The following NKAIN3 variants were observed in gnomAD, a reference collection of about 807,000 sequenced individuals.
NKAIN3 encodes sodium/potassium-transporting ATPase subunit beta-1-interacting protein 3.
A neutral mutation model predicts 30.2 loss-of-function variants in NKAIN3; 25 were observed. The observed-to-expected ratio is 0.83, with a 90% confidence interval of 0.60 to 1.16. NKAIN3 has a LOEUF of 1.16. Among genes scored for constraint, NKAIN3 ranks in the 50% most tolerant of loss-of-function variants. NKAIN3 has a pLI of 0.00. For synonymous variants in NKAIN3, 91 were observed against 89.6 expected, an observed-to-expected ratio of 1.02 and a Z score of -0.09; for missense variants, 225 against 254.1, an observed-to-expected ratio of 0.89 and a Z score of 0.78.
intron 4 of NKAIN3, among the ~76,000 whole-genome samples, chr8:62,802,361 G>A (rs912877228): frequency 3.3e-5 from 5 of 152,192 alleles, no homozygotes; most frequent in Non-Finnish European, 1.5e-5. Flanking sequence ...GTTAAGGGCA[G>A]CCAGAGAGAA....
intron 1 of NKAIN3, among the ~76,000 whole-genome samples, chr8:62,418,907 C>T (rs189682814): frequency 6.6e-6 from 1 of 152,272 alleles, no homozygotes; most frequent in East Asian, 1.9e-4. Context: ...GTTGTAGCTT[C>T]AAGTTTAATT....
rs1220548726 is a variant in NKAIN3, at chr8:62,980,948, A to T, written c.*15541A>T. 6.6e-6 allele frequency: 1 copy of T among 152,252 alleles called. No individual in the cohort carries two copies. The highest frequency in any genetic ancestry group is 1.5e-5 in the Non-Finnish European group (1 of 68,044). 9.4% of individuals were successfully genotyped at this position (152,252 alleles called of 1,614,324 possible). A position where few individuals can be genotyped will look rare whatever the true frequency, so the allele number is the denominator to read the frequency against. On this transcript the variant is annotated 3_prime_UTR_variant, in exon 7 of 7. Transcript: ENST00000623646. The stretch of plus-strand genomic sequence containing the variant: ...AACTCAAATTATCTAAGGTTTACCC[A>T]GAAGTCAAAATCACCTGGCCCTCTG...
intron 1 of NKAIN3, among the ~76,000 whole-genome samples, chr8:62,561,865 GT>G (rs1809590855): frequency 6.6e-6 from 1 of 152,096 alleles, no homozygotes; most frequent in African/African-American, 2.4e-5. Flanking sequence ...GTAAATATGT[GT>G]TTTTGTAATG....
In NKAIN3 at chr8:62,970,080, C is replaced by A. The variant is rs939481963; in HGVS notation, c.*4673C>A. Among the ~76,000 whole-genome samples, 7 of 151,766 alleles carry A rather than the reference C, an allele frequency of 4.6e-5. No homozygotes were observed. Among genetic ancestry groups the A allele is most frequent in the African/African-American group, 1.5e-4 (6 of 41,276 alleles). ...ATACCTAAAAAAAAATTTAAATTAG[C>A]CAAGCATGGTGGCATGTACCTATGA... On this transcript the variant is annotated 3_prime_UTR_variant, in exon 7 of 7. Coordinates refer to ENST00000623646, the MANE Select transcript of NKAIN3 (RefSeq NM_001304533.3).
intron 1 of NKAIN3, among the ~76,000 whole-genome samples, chr8:62,440,269 C>T (rs1805284783): frequency 6.6e-6 from 1 of 152,118 alleles, no homozygotes; most frequent in Non-Finnish European, 1.5e-5. Flanking sequence ...AATTTTATGA[C>T]TTCTCTGCTC....
intron 6 of NKAIN3, among the ~76,000 whole-genome samples, chr8:62,962,618 T>G (rs548852238): frequency 6.6e-6 from 1 of 152,264 alleles, no homozygotes; most frequent in South Asian, 2.1e-4. Context: ...ACCGCCTAGA[T>G]GCCAGTAACA....
At chr8:62,591,970 C>A (rs1810667645) in intron 3 of NKAIN3, among the ~76,000 whole-genome samples, 1 of 151,998 alleles carries the variant, frequency 6.6e-6, no homozygotes, top group Non-Finnish European at 1.5e-5. Flanking sequence ...TCTAGATTCT[C>A]CATCTCCTGC....
chr8:62,332,553 G>A (rs554677477), intron 1 of NKAIN3, among the ~76,000 whole-genome samples: 4 of 152,140 alleles, frequency 2.6e-5, no homozygotes, highest in African/African-American at 9.6e-5. Flanking sequence ...TGAGTGACAT[G>A]GATAATAATG....
chr8:62,788,978 C>T (rs1817615224), intron 4 of NKAIN3, among the ~76,000 whole-genome samples: 1 of 152,086 alleles, frequency 6.6e-6, no homozygotes, highest in African/African-American at 2.4e-5. Flanking sequence ...ATGCCTCCAG[C>T]TTTGTTCTTT....
intron 1 of NKAIN3, among the ~76,000 whole-genome samples, chr8:62,504,966 T>C (rs1053727330): frequency 7.9e-5 from 12 of 152,206 alleles, no homozygotes; most frequent in Admixed American, 5.9e-4. Flanking sequence ...TTCCTTTTTG[T>C]TCCTATAACA....
intron 3 of NKAIN3, among the ~76,000 whole-genome samples, chr8:62,600,222 C>G (rs1268785716): frequency 6.6e-6 from 1 of 151,950 alleles, no homozygotes; most frequent in African/African-American, 2.4e-5. Context: ...TTCAATGTGT[C>G]ACATTTTCAT....
At chr8:62,903,856 T>A (rs1821687535) in intron 4 of NKAIN3, among the ~76,000 whole-genome samples, 1 of 152,090 alleles carries the variant, frequency 6.6e-6, no homozygotes, top group Non-Finnish European at 1.5e-5. Context: ...GGGAAGTCCC[T>A]GATAAAACCA....
At chr8:62,587,252 A>T (rs1810505639) in intron 2 of NKAIN3, among the ~76,000 whole-genome samples, 1 of 151,996 alleles carries the variant, frequency 6.6e-6, no homozygotes, top group Non-Finnish European at 1.5e-5. Flanking sequence ...CAATTCAAAA[A>T]TCAAAAATAT....
In NKAIN3 at chr8:62,705,964, G is replaced by A. The variant is rs1283531487; in HGVS notation, c.274-40968G>A. On this transcript the variant is annotated intron_variant, in intron 3 of 6. Transcript: ENST00000623646. ...CTTTCTATGCATTCCTGTAAGTAAG[G>A]GATTTAAAGCCTGATTGCTCCTGAT... Among the ~76,000 whole-genome samples the A allele has an allele frequency of 2.6e-5, 4 of 152,038 alleles. No homozygotes were observed. The East Asian group carries it at 7.7e-4, about 29-fold the overall frequency.
At chr8:62,989,851 G>A (rs551479466), downstream of NKAIN3, among the ~76,000 whole-genome samples, 6 of 152,228 alleles carry the variant, frequency 3.9e-5, no homozygotes, top group Non-Finnish European at 8.8e-5. Flanking sequence ...ATACACCTAT[G>A]ACATCATGAA....
chr8:62,864,212 C>A, intron 4 of NKAIN3: 1 of 686,864 alleles, frequency 1.5e-6, no homozygotes, highest in Non-Finnish European at 2.5e-6. Context: ...GCGAATACTG[C>A]GCAGAAGTGA....
intron 1 of NKAIN3, among the ~76,000 whole-genome samples, chr8:62,360,831 T>C (rs1313920550): frequency 6.6e-6 from 1 of 152,132 alleles, no homozygotes. Context: ...ATATTTAGGG[T>C]AGTTAGCTCT....
At chr8:62,282,402 A>G (rs1477643326) in intron 1 of NKAIN3, among the ~76,000 whole-genome samples, 1 of 152,110 alleles carries the variant, frequency 6.6e-6, no homozygotes, top group Non-Finnish European at 1.5e-5. Flanking sequence ...TTGTAGGGAT[A>G]CCCAAAAATT....
intron 1 of NKAIN3, among the ~76,000 whole-genome samples, chr8:62,396,949 C>T (rs769261521): frequency 7.4e-4 from 113 of 152,216 alleles, no homozygotes; most frequent in Non-Finnish European, 1.4e-3. Flanking sequence ...CTTGAGCGGG[C>T]AGTGATATAC....
Sources: gnomAD v4.1 joint callset for allele counts (sites outside exome capture counted in the v4.1 genomes callset) on GRCh38, gnomAD v4.1.1 for gene constraint, MANE v1.5 for transcripts, NCBI Gene and HGNC (gene_info 2026-07-23, HGNC 2026-07-21) for gene names.